TRA2A: variants seen among roughly 807,000 people sequenced by gnomAD.
TRA2A encodes the protein transformer-2 protein homolog alpha.
In TRA2A, 31 loss-of-function variants were observed where a neutral mutation model predicts 45.7. The observed-to-expected ratio is 0.68, with a 90% CI of 0.51 to 0.92. The LOEUF (loss-of-function observed/expected upper bound fraction) is 0.92, where lower values mean the gene tolerates loss of function less well. Among genes scored for constraint, TRA2A ranks in the 40% least tolerant of loss-of-function variants. The pLI is 0.00. For synonymous variants in TRA2A, 132 were observed against 126.2 expected, an observed-to-expected ratio of 1.05 and a Z score of -0.31; for missense variants, 304 against 367.5, an observed-to-expected ratio of 0.83 and a Z score of 1.41.
intron 2 of TRA2A, among the ~76,000 whole-genome samples, chr7:23,518,268 A>G: frequency 6.6e-6 from 1 of 151,660 alleles, no homozygotes; most frequent in South Asian, 2.1e-4. Context: ...TCCATTTCCA[A>G]TTCTTCTTTA....
At chr7:23,516,607 A>C in intron 2 of TRA2A, 79 bp from the exon 3 acceptor site, 1 of 1,303,034 alleles carries the variant, frequency 7.7e-7, no homozygotes. Context: ...AGGTATACAT[A>C]TATCCCTAAC....
intron 1 of TRA2A, among the ~76,000 whole-genome samples, chr7:23,526,583 C>T (rs1790348521): frequency 1.3e-5 from 2 of 152,176 alleles, no homozygotes; most frequent in African/African-American, 4.8e-5. Context: ...TACTCAACCT[C>T]AGCCTATAGA....
chr7:23,513,643 G>A (rs1789728059), intron 3 of TRA2A, among the ~76,000 whole-genome samples: 1 of 152,030 alleles, frequency 6.6e-6, no homozygotes, highest in African/African-American at 2.4e-5. Flanking sequence ...TAAAGAAATA[G>A]CACTTGAACA....
intron 2 of TRA2A, among the ~76,000 whole-genome samples, chr7:23,520,941 C>T (rs2127998290): frequency 6.6e-6 from 1 of 152,290 alleles, no homozygotes; most frequent in African/African-American, 2.4e-5. Context: ...TATCTACCCA[C>T]CTCGGCTTCC....
chr7:23,525,988 C>T (rs1264796560), intron 1 of TRA2A, among the ~76,000 whole-genome samples: 2 of 152,120 alleles, frequency 1.3e-5, no homozygotes, highest in Non-Finnish European at 2.9e-5. Context: ...AACTAAAACA[C>T]TAAGAAAGTG....
intron 3 of TRA2A, among the ~76,000 whole-genome samples, chr7:23,515,306 T>TGCAAG (rs1789814777): frequency 7.0e-6 from 1 of 142,574 alleles, no homozygotes; most frequent in Non-Finnish European, 1.5e-5. Context: ...CTCGGCTCAC[T>TGCAAG]GCAAGCTCTG....
chr7:23,510,782 A>C (rs182653199), intron 4 of TRA2A, among the ~76,000 whole-genome samples: 48 of 152,328 alleles, frequency 3.2e-4, no homozygotes, highest in Non-Finnish European at 4.3e-4. Context: ...AGTATTTCTA[A>C]ATTGATAACA....
chr7:23,507,992 C>G (rs1259457610), intron 4 of TRA2A, among the ~76,000 whole-genome samples: 1 of 152,108 alleles, frequency 6.6e-6, no homozygotes, highest in African/African-American at 2.4e-5. Flanking sequence ...CTTACAAAGA[C>G]TGACTTCAGA....
At chr7:23,515,223 CTTTTT>C (rs767953060) in intron 3 of TRA2A, among the ~76,000 whole-genome samples, 3 of 96,796 alleles carry the variant, frequency 3.1e-5, no homozygotes, top group African/African-American at 1.2e-4. Context: ...GAACATATTT[CTTTTT>C]TTTTTTTTTT....
Position 23,505,802 on chromosome 7 carries a change from G to A in TRA2A, c.782C>T (p.Pro261Leu). ...DYDYRYRRRS[P>L]SPYYSRYRSR... ...TCTATATCGACTATAATAAGGAGAA[G>A]GTGATCGTCTTCTGTAAGAAATGAA... The change falls in exon 7 of 8, where the codon CCT becomes CTT. Residue 261 changes from proline (P) to leucine (L), a missense_variant. By Grantham distance (98) the Pro-to-Leu change is moderately conservative. Coordinates refer to ENST00000297071, the MANE Select transcript of TRA2A (RefSeq NM_013293.5). 2 of 1,547,258 alleles carry A rather than the reference G, an allele frequency of 1.3e-6. No homozygotes were observed. Among genetic ancestry groups the A allele is most frequent in the Non-Finnish European group, 1.7e-6 (2 of 1,150,520 alleles).
Position 23,521,687 on chromosome 7 carries a change from AT to A in TRA2A, c.170+19del. ...AAAACCCCAGAAGAATATTTTAAGT[AT>A]TATCTTAAACACACTTACCTGGATT... On this transcript the variant is annotated intron_variant, in intron 2 of 7. Transcript: ENST00000297071. 1 of 1,612,562 alleles carries A rather than the reference AT, an allele frequency of 6.2e-7. No individual in the cohort carries two copies. The highest frequency in any genetic ancestry group is 1.1e-5 in the South Asian group (1 of 90,922).
chr7:23,528,285 T>C (rs1790421867), intron 1 of TRA2A, among the ~76,000 whole-genome samples: 1 of 152,124 alleles, frequency 6.6e-6, no homozygotes, highest in African/African-American at 2.4e-5. Context: ...CTCGGCTCAC[T>C]GCAACCTCCG....
In TRA2A at chr7:23,531,494, A is replaced by T. The variant is rs1649876055; in HGVS notation, c.36+295T>A. 26 of 506,512 alleles carry T rather than the reference A, an allele frequency of 5.1e-5. No individual in the cohort carries two copies. In the East Asian group the frequency reaches 8.6e-4, roughly 17 times the overall value. 31.4% of individuals were successfully genotyped at this position (506,512 alleles called of 1,614,324 possible). ...CGGGGACCCACACCTCGGAGCAGAC[A>T]TAAGGAAGCCTCAGGGGTGGGGAGA... On this transcript the variant is annotated intron_variant, in intron 1 of 7. Coordinates refer to ENST00000297071, the MANE Select transcript of TRA2A (RefSeq NM_013293.5).
intron 2 of TRA2A, among the ~76,000 whole-genome samples, chr7:23,520,828 G>A (rs897823326): frequency 6.6e-6 from 1 of 151,806 alleles, no homozygotes; most frequent in African/African-American, 2.4e-5. Context: ...AGGTAGCTGG[G>A]ACTACAGGTG....
At chr7:23,505,870 GAAAAT>G (rs1169013364) in intron 6 of TRA2A, 57 bp from the exon 7 acceptor site, 1 of 1,110,020 alleles carries the variant, frequency 9.0e-7, no homozygotes. Flanking sequence ...TGAGGCAGAT[GAAAAT>G]AAAAATTCCT....
At chr7:23,509,789 T>G (rs1789513022) in intron 4 of TRA2A, among the ~76,000 whole-genome samples, 1 of 151,860 alleles carries the variant, frequency 6.6e-6, no homozygotes, top group Non-Finnish European at 1.5e-5. Context: ...TCCTGGCACT[T>G]TGGGGAGGCC....
At position 23,529,838 on chromosome 7, in the gene TRA2A, A is replaced by G. The variant is rs896272194; in HGVS notation, c.36+1951T>C. Among the ~76,000 whole-genome samples the G allele has an allele frequency of 3.4e-5, 5 of 145,602 alleles. No homozygotes were observed. In the Admixed American group the frequency reaches 3.7e-4, roughly 11 times the overall value. The stretch of plus-strand genomic sequence containing the variant: ...TAATGCCTACATATACTTTAGCTTA[A>G]AAGTGGGTGGGAATCTTTTTTTTTT... On this transcript the variant is annotated intron_variant, in intron 1 of 7. Coordinates refer to ENST00000297071, the MANE Select transcript of TRA2A (RefSeq NM_013293.5).
intron 4 of TRA2A, among the ~76,000 whole-genome samples, chr7:23,510,348 G>C (rs972642762): frequency 2.0e-5 from 3 of 152,096 alleles, no homozygotes; most frequent in African/African-American, 4.8e-5. Context: ...TTTTTGAGAT[G>C]AAGTGGAGTC....
intron 2 of TRA2A, among the ~76,000 whole-genome samples, chr7:23,518,138 C>T (rs1004633603): frequency 3.3e-5 from 5 of 151,884 alleles, no homozygotes; most frequent in Non-Finnish European, 7.4e-5. Context: ...AGGGTTTCGC[C>T]ATGTTGCCCA....
Sources: gnomAD v4.1 joint callset for allele counts (sites outside exome capture counted in the v4.1 genomes callset) on GRCh38, gnomAD v4.1.1 for gene constraint, MANE v1.5 for transcripts, NCBI Gene and HGNC (gene_info 2026-07-23, HGNC 2026-07-21) for gene names.